The following ANKS1B variants were observed in gnomAD, a reference collection of about 807,000 sequenced individuals.
The protein encoded by ANKS1B is ankyrin repeat and sterile alpha motif domain containing 1B.
Under a neutral mutation model 148.3 loss-of-function variants are expected in ANKS1B, and 36 were observed. The ratio of observed to expected loss-of-function variants is 0.24; its 90% CI spans 0.19 to 0.32. The LOEUF is 0.32. ANKS1B is among the 10% of genes least tolerant of loss of function. ANKS1B has a pLI of 1.00. For missense variants in ANKS1B, 1,157 were observed against 1,542.6 expected (o/e 0.75, Z 4.19); for synonymous variants, 542 against 560.8 (o/e 0.97, Z 0.47).
intron 17 of ANKS1B, among the ~76,000 whole-genome samples, chr12:99,042,840 G>C (rs1317424251): frequency 6.6e-6 from 1 of 152,212 alleles, no homozygotes; most frequent in East Asian, 1.9e-4. Flanking sequence ...TAGAAAAGCA[G>C]AGATTCTACA....
At chr12:99,317,095 G>A (rs1484356795) in intron 12 of ANKS1B, among the ~76,000 whole-genome samples, 2 of 152,146 alleles carry the variant, frequency 1.3e-5, no homozygotes, top group African/African-American at 2.4e-5. Context: ...TTGAAGTCAG[G>A]TAGCGTGATG....
intron 1 of ANKS1B, among the ~76,000 whole-genome samples, chr12:99,873,716 T>G (rs2091785613): frequency 6.6e-6 from 1 of 152,158 alleles, no homozygotes; most frequent in Admixed American, 6.5e-5. Context: ...TACCCAGATA[T>G]TTGATCAAAG....
Position 99,291,906 on chromosome 12 carries a change from G to GA in ANKS1B, c.1757-45043dup, listed in dbSNP as rs1250697341. On this transcript the variant is annotated intron_variant, in intron 12 of 26. Coordinates refer to ENST00000683438, the MANE Select transcript of ANKS1B (RefSeq NM_001352186.2). ...AAACCTGACAAAAACAAGAAATGGG[G>GA]AAGGATTCCCTGTTTAACAAATGGT... is the stretch of plus-strand genomic sequence containing the variant. Among the ~76,000 whole-genome samples, 4 of 152,254 alleles carry GA rather than the reference G, an allele frequency of 2.6e-5. No individual in the cohort carries two copies. In the East Asian group the frequency reaches 7.7e-4, roughly 29 times the overall value.
At chr12:99,203,258 C>T (rs1200084880) in intron 14 of ANKS1B, among the ~76,000 whole-genome samples, 2 of 152,116 alleles carry the variant, frequency 1.3e-5, no homozygotes, top group Admixed American at 6.6e-5. Context: ...ACCTCTTTTG[C>T]GTTGCATGGT....
At chr12:99,399,604 A>G in intron 12 of ANKS1B, 27 bp downstream of exon 12, 1 of 1,601,486 alleles carries the variant, frequency 6.2e-7, no homozygotes, top group Non-Finnish European at 8.5e-7. Flanking sequence ...AAATAAAAAT[A>G]CAGCTGCATA....
chr12:98,801,199 A>C lies in ANKS1B; in HGVS notation c.3142-74T>G. The C allele has an allele frequency of 6.6e-7, 1 of 1,508,678 alleles. No homozygotes were observed. Among genetic ancestry groups the C allele is most frequent in the Non-Finnish European group, 9.0e-7 (1 of 1,107,098 alleles). The allele number at this position is 1,508,678 out of a possible 1,614,324, so 93.5% of individuals were successfully genotyped here. On this transcript the variant is annotated intron_variant, in intron 20 of 26. Transcript: ENST00000683438. The surrounding 1 kb of genome is among the most constrained non-coding windows in gnomAD (Gnocchi z 5.2). The stretch of plus-strand genomic sequence containing the variant: ...CATTCCCTGTAGCTACCCTGAGCTC[A>C]CCTTACACACAGGTGCTGTGAATGT...
At chr12:98,988,442 T>A (rs2099924702) in intron 17 of ANKS1B, among the ~76,000 whole-genome samples, 1 of 152,160 alleles carries the variant, frequency 6.6e-6, no homozygotes, top group African/African-American at 2.4e-5. Flanking sequence ...ATTTCCCTTA[T>A]TTTTTTATGG....
At chr12:99,627,235 T>A (rs1200294169) in intron 9 of ANKS1B, among the ~76,000 whole-genome samples, 2 of 152,184 alleles carry the variant, frequency 1.3e-5, no homozygotes, top group Non-Finnish European at 2.9e-5. Context: ...ACAATTGAGA[T>A]GTTCTTTACC....
chr12:99,656,230 C>A (rs893871784), intron 8 of ANKS1B, among the ~76,000 whole-genome samples: 1 of 152,050 alleles, frequency 6.6e-6, no homozygotes, highest in Non-Finnish European at 1.5e-5. Context: ...TTGCATTAGA[C>A]AACATGGCAG....
At chr12:99,062,462 T>C (rs1368709805) in intron 16 of ANKS1B, among the ~76,000 whole-genome samples, 1 of 151,962 alleles carries the variant, frequency 6.6e-6, no homozygotes, top group African/African-American at 2.4e-5. Flanking sequence ...ATAAAAATAA[T>C]ACTCAGGAGA....
intron 1 of ANKS1B, among the ~76,000 whole-genome samples, chr12:99,830,682 G>A (rs142481429): frequency 1.4e-3 from 205 of 149,104 alleles, no homozygotes; most frequent in Non-Finnish European, 1.1e-3. Context: ...AAATAGTCCC[G>A]AGAAATATGT....
chr12:99,066,423 G>A (rs530650544), intron 16 of ANKS1B, among the ~76,000 whole-genome samples: 43 of 152,308 alleles, frequency 2.8e-4, no homozygotes, highest in African/African-American at 1.0e-3. Flanking sequence ...AGGAAGGAGG[G>A]TCCAGCATAT....
At chr12:98,942,016 G>C (rs2099837560) in intron 17 of ANKS1B, among the ~76,000 whole-genome samples, 1 of 152,148 alleles carries the variant, frequency 6.6e-6, no homozygotes, top group African/African-American at 2.4e-5. Flanking sequence ...GCTGAGGCGG[G>C]TAGATTGCAA....
At chr12:99,455,748 C>T (rs754551671) in intron 10 of ANKS1B, among the ~76,000 whole-genome samples, 18 of 152,064 alleles carry the variant, frequency 1.2e-4, no homozygotes, top group Non-Finnish European at 2.5e-4. Flanking sequence ...CCACCCCCAA[C>T]AGTAGCCACA....
chr12:99,023,389 G>C (rs559974797), intron 17 of ANKS1B, among the ~76,000 whole-genome samples: 1 of 152,130 alleles, frequency 6.6e-6, no homozygotes, highest in African/African-American at 2.4e-5. Context: ...TTGAATTTTA[G>C]ATAGCTGGGT....
At chr12:99,697,642 A>C (rs1051288222) in intron 8 of ANKS1B, among the ~76,000 whole-genome samples, 14 of 152,144 alleles carry the variant, frequency 9.2e-5, no homozygotes, top group African/African-American at 2.9e-4. Context: ...AAACTATTCT[A>C]TATGTTACTG....
chr12:99,600,825 ATT>A (rs897666137), intron 9 of ANKS1B, among the ~76,000 whole-genome samples: 5 of 151,958 alleles, frequency 3.3e-5, no homozygotes, highest in Admixed American at 1.3e-4. Context: ...CTCCAACACT[ATT>A]TTTATCTCTT....
chr12:99,694,067 C>T (rs977686608), intron 8 of ANKS1B, among the ~76,000 whole-genome samples: 3 of 150,158 alleles, frequency 2.0e-5, no homozygotes, highest in African/African-American at 7.3e-5. Flanking sequence ...GCGTGAGCCA[C>T]CATGCCCAGC....
intron 1 of ANKS1B, among the ~76,000 whole-genome samples, chr12:99,941,165 G>T (rs1293509600): frequency 2.0e-5 from 3 of 152,028 alleles, no homozygotes; most frequent in Non-Finnish European, 4.4e-5. Context: ...CGCTCAATTT[G>T]CCTAGTAAAT....
Sources: allele counts gnomAD v4.1 joint callset (sites outside exome capture counted in the v4.1 genomes callset), GRCh38; gene constraint gnomAD v4.1.1; non-coding constraint Gnocchi (gnomAD v3.1); transcripts MANE v1.5; gene names NCBI Gene and HGNC (gene_info 2026-07-23, HGNC 2026-07-21).